The following ZBTB20 variants were observed in gnomAD, a reference collection of about 807,000 sequenced individuals.
ZBTB20 encodes the protein zinc finger and BTB domain containing 20, also known as zinc finger and BTB domain-containing protein 20.
In ZBTB20, 9 loss-of-function variants were observed where a neutral mutation model predicts 56.9. The observed-to-expected ratio is 0.16, with a 90% CI of 0.10 to 0.28. The LOEUF (loss-of-function observed/expected upper bound fraction) is 0.28. Ranked by LOEUF, ZBTB20 falls within the 10% of genes least tolerant of loss-of-function variation. The pLI is 1.00. For missense variants in ZBTB20, 655 were observed against 1,003.0 expected, an observed-to-expected ratio of 0.65 and a Z score of 4.69; for synonymous variants, 417 against 420.7, an observed-to-expected ratio of 0.99 and a Z score of 0.11.
At position 114,337,318 on chromosome 3, in the gene ZBTB20, T is replaced by C. The variant is rs937492508; in HGVS notation, c.*1687A>G. 1 of 152,198 alleles carries C rather than the reference T, an allele frequency of 6.6e-6. No homozygotes were observed. Among genetic ancestry groups the C allele is most frequent in the Non-Finnish European group, 1.5e-5 (1 of 68,028 alleles). The allele number at this position is 152,198 out of a possible 1,614,324, so 9.4% of individuals were successfully genotyped here. A position where few individuals can be genotyped will look rare whatever the true frequency, so the allele number is the denominator to read the frequency against. On this transcript the variant is annotated 3_prime_UTR_variant, in exon 12 of 12. Transcript: ENST00000675478. The stretch of plus-strand genomic sequence containing the variant: ...TTTGTAGTTGGGAAGGGTGAGGAGC[T>C]ATGGCAGAGTTTTGTGAACTCCTCT...
Position 114,350,590 on chromosome 3 carries a change from G to C in ZBTB20, c.1488C>G (p.Asn496Lys). 6.2e-7 allele frequency: 1 copy of C among 1,614,194 alleles called. No homozygotes were observed. Among genetic ancestry groups the C allele is most frequent in the Non-Finnish European group, 8.5e-7 (1 of 1,180,024 alleles). ...TGCCAGCTGTGCCAATGACCTGCGTGTTGCTGGTCAAGGTCAGAGGCATCC... is the reference window on the plus strand; with the variant it reads ...TGCCAGCTGTGCCAATGACCTGCGTCTTGCTGGTCAAGGTCAGAGGCATCC... ...NLRMPLTLTS[N>K]TQVIGTAGNT... Residue 496 changes from asparagine (N) to lysine (K), a missense_variant, in exon 11 of 12, where the codon AAC (asparagine) becomes AAG (lysine). By Grantham distance (94) the Asn-to-Lys change is moderately conservative. Transcript: ENST00000675478.
intron 4 of ZBTB20, among the ~76,000 whole-genome samples, chr3:114,854,163 G>T (rs969566545): frequency 2.0e-4 from 31 of 152,086 alleles, no homozygotes; most frequent in African/African-American, 7.2e-4. Flanking sequence ...TGTAAAACAG[G>T]AATAGCAATA....
chr3:115,063,652 AACAC>A (rs67995178), intron 2 of ZBTB20, among the ~76,000 whole-genome samples: 22,166 of 149,308 alleles, frequency 0.15, 2,193 homozygotes, highest in East Asian at 0.57. Context: ...TTGTCAAAGC[AACAC>A]ACACACACAC....
At chr3:114,460,082 T>C (rs1372959087) in intron 7 of ZBTB20, among the ~76,000 whole-genome samples, 5 of 152,148 alleles carry the variant, frequency 3.3e-5, no homozygotes, top group African/African-American at 1.2e-4. Context: ...AGTGAACTAG[T>C]GCTGGAACCC....
intron 6 of ZBTB20, among the ~76,000 whole-genome samples, chr3:114,630,517 C>T (rs771894906): frequency 6.6e-6 from 1 of 152,146 alleles, no homozygotes; most frequent in Non-Finnish European, 1.5e-5. Context: ...CTGCTACCTG[C>T]CACGTACTGG....
chr3:114,749,986 A>G (rs2067438360), intron 5 of ZBTB20, among the ~76,000 whole-genome samples: 1 of 152,248 alleles, frequency 6.6e-6, no homozygotes, highest in Non-Finnish European at 1.5e-5. Context: ...TCTGGTATCC[A>G]TGCTACAAAA....
At chr3:115,141,962 A>G (rs1051195879) in intron 1 of ZBTB20, among the ~76,000 whole-genome samples, 2 of 152,232 alleles carry the variant, frequency 1.3e-5, no homozygotes, top group South Asian at 2.1e-4. Flanking sequence ...TTAGGTGGAT[A>G]TAAGGTTCCA....
At chr3:114,821,515 C>A (rs2073242993) in intron 4 of ZBTB20, among the ~76,000 whole-genome samples, 1 of 152,136 alleles carries the variant, frequency 6.6e-6, no homozygotes, top group African/African-American at 2.4e-5. Context: ...TTGGCCTAGT[C>A]TTCCATGCCA....
At chr3:114,973,013 A>G (rs980509160) in intron 3 of ZBTB20, among the ~76,000 whole-genome samples, 3 of 152,206 alleles carry the variant, frequency 2.0e-5, no homozygotes, top group Non-Finnish European at 2.9e-5. Flanking sequence ...TTAGAAGTAT[A>G]TTTCTAACTT....
chr3:114,464,729 G>T (rs1018686850), intron 7 of ZBTB20, among the ~76,000 whole-genome samples: 1 of 152,100 alleles, frequency 6.6e-6, no homozygotes, highest in African/African-American at 2.4e-5. Context: ...GGATAAAAAG[G>T]ACATGAATAG....
At chr3:114,600,113 T>C (rs1207036711) in intron 6 of ZBTB20, among the ~76,000 whole-genome samples, 1 of 152,076 alleles carries the variant, frequency 6.6e-6, no homozygotes, top group East Asian at 1.9e-4. Flanking sequence ...TAAAACACCA[T>C]TATTGCTCTA....
In ZBTB20 at chr3:114,350,843, G is replaced by A. The variant is rs754185636; in HGVS notation, c.1235C>T (p.Ala412Val). 9 of 1,612,146 alleles carry A rather than the reference G, an allele frequency of 5.6e-6. No individual in the cohort carries two copies. The East Asian group carries it at 8.9e-5, about 16-fold the overall frequency. ...SQAEPTQPEQ[A>V]AEAPAEGGPQ... ...ACCACCCTCAGCGGGGGCTTCTGCA[G>A]CCTGCTCGGGTTGGGTGGGTTCAGC... Residue 412 changes from alanine (A) to valine (V), a missense_variant, in exon 11 of 12, where the codon GCT becomes GTT. Around this residue, in one of 10 missense-constraint regions of ZBTB20, gnomAD observed 156 missense variants for 181.0 expected, o/e 0.86. Transcript: ENST00000675478.
At chr3:114,770,238 A>G (rs1459943099) in intron 5 of ZBTB20, among the ~76,000 whole-genome samples, 1 of 152,078 alleles carries the variant, frequency 6.6e-6, no homozygotes, top group Non-Finnish European at 1.5e-5. Context: ...CAGGAGTTCA[A>G]GACCAGCCTG....
intron 1 of ZBTB20, among the ~76,000 whole-genome samples, chr3:115,144,526 A>G (rs866446404): frequency 6.6e-6 from 1 of 152,340 alleles, no homozygotes; most frequent in African/African-American, 2.4e-5. Context: ...TGATCCAATT[A>G]TAGAAGAAAC....
chr3:114,318,830 G>A lies in ZBTB20; in HGVS notation c.*20175C>T, dbSNP rs2078789074. 6.6e-6 allele frequency: 1 copy of A among 152,164 alleles called. No homozygotes were observed. The highest frequency in any genetic ancestry group is 2.4e-5 in the African/African-American group (1 of 41,430). The allele number at this position is 152,164 out of a possible 1,614,324, so 9.4% of individuals were successfully genotyped here. A position where few individuals can be genotyped will look rare whatever the true frequency, so the allele number is the denominator to read the frequency against. On this transcript the variant is annotated 3_prime_UTR_variant, in exon 12 of 12. Transcript: ENST00000675478. ...TCTCATTTGGCAAGGCTAAGGCAGGGGGTAGGGGGAAGAGAAAAGGGGTTT... is the reference window on the plus strand; with the variant it reads ...TCTCATTTGGCAAGGCTAAGGCAGGAGGTAGGGGGAAGAGAAAAGGGGTTT...
chr3:114,563,154 C>CTGGG (rs2110299706), intron 6 of ZBTB20, among the ~76,000 whole-genome samples: 1 of 152,254 alleles, frequency 6.6e-6, no homozygotes. Context: ...CTTCTATATC[C>CTGGG]TATTTTCAAT....
At chr3:115,009,806 G>A (rs1287526059) in intron 2 of ZBTB20, among the ~76,000 whole-genome samples, 2 of 151,762 alleles carry the variant, frequency 1.3e-5, no homozygotes, top group African/African-American at 4.8e-5. Flanking sequence ...ACCACGTTGG[G>A]ATACAGAAAA....
At chr3:114,803,766 T>C (rs529231322) in intron 4 of ZBTB20, among the ~76,000 whole-genome samples, 1 of 118,842 alleles carries the variant, frequency 8.4e-6, no homozygotes, top group Non-Finnish European at 1.8e-5. Flanking sequence ...CTTTTGTCTA[T>C]TTTCAACTTT....
chr3:115,051,031 G>T (rs79833592), intron 2 of ZBTB20, among the ~76,000 whole-genome samples: 2 of 151,766 alleles, frequency 1.3e-5, no homozygotes, highest in Non-Finnish European at 2.9e-5. Flanking sequence ...ATTCCAAAAC[G>T]CTGTTATTTA....
Sources: gnomAD v4.1 joint callset for allele counts (sites outside exome capture counted in the v4.1 genomes callset) on GRCh38, gnomAD v4.1.1 for gene constraint, gnomAD v4.1.1 regional missense constraint, MANE v1.5 for transcripts, NCBI Gene and HGNC (gene_info 2026-07-23, HGNC 2026-07-21) for gene names.